The following RNF135 variants were observed in gnomAD, a reference collection of about 807,000 sequenced individuals.
The protein encoded by RNF135 is ring finger protein 135.
Under a neutral mutation model 41.9 loss-of-function variants are expected in RNF135, and 46 were observed. The observed-to-expected ratio is 1.10, with a 90% CI of 0.87 to 1.40. The LOEUF is 1.40. Ranked by LOEUF, RNF135 falls within the 40% of genes most tolerant of loss-of-function variation. The pLI, the probability that RNF135 is intolerant of heterozygous loss-of-function variation, is 0.00. For synonymous variants in RNF135, 238 were observed against 223.8 expected (o/e 1.06, Z -0.57); for missense variants, 539 against 549.8 (o/e 0.98, Z 0.20).
intron 3 of RNF135, among the ~76,000 whole-genome samples, chr17:30,990,385 G>A (rs562514665): frequency 9.9e-5 from 15 of 152,170 alleles, no homozygotes; most frequent in African/African-American, 3.4e-4. Flanking sequence ...TTAGCCGGGC[G>A]TGGTGGCACA....
chr17:30,995,791 T>TC (rs2142732836), intron 3 of RNF135, among the ~76,000 whole-genome samples: 1 of 152,140 alleles, frequency 6.6e-6, no homozygotes, highest in South Asian at 2.1e-4. Flanking sequence ...TCTTGCTCTG[T>TC]CACCCAGGCT....
At chr17:30,998,044 C>T (rs1281126399) in intron 4 of RNF135, among the ~76,000 whole-genome samples, 2 of 152,168 alleles carry the variant, frequency 1.3e-5, no homozygotes, top group African/African-American at 2.4e-5. Context: ...ATAAGACGGG[C>T]GTGAGCCACC....
chr17:30,969,670 T>C (rs565049412), upstream of RNF135, among the ~76,000 whole-genome samples: 1 of 152,182 alleles, frequency 6.6e-6, no homozygotes, highest in Non-Finnish European at 1.5e-5. Context: ...ACTGGAAACG[T>C]TGATGAGCAG....
chr17:30,983,766 GTT>G (rs375139965), intron 1 of RNF135, among the ~76,000 whole-genome samples: 1 of 142,460 alleles, frequency 7.0e-6, no homozygotes, highest in African/African-American at 2.6e-5. Context: ...TGTTATTTTG[GTT>G]TTTTTTTTTT....
chr17:30,983,009 A>G (rs1424292266), intron 1 of RNF135, among the ~76,000 whole-genome samples: 2 of 152,014 alleles, frequency 1.3e-5, no homozygotes, highest in African/African-American at 2.4e-5. Flanking sequence ...GTTGAATCAT[A>G]CAGTATCTGT....
At chr17:30,979,367 G>T (rs1254689371) in intron 1 of RNF135, among the ~76,000 whole-genome samples, 1 of 121,518 alleles carries the variant, frequency 8.2e-6, no homozygotes, top group Non-Finnish European at 1.7e-5. Context: ...GCGGGGGGCT[G>T]TCCCCCCCAC....
At chr17:30,964,036 T>G in the RNF135 span, among the ~76,000 whole-genome samples, 1 of 152,136 alleles carries the variant, frequency 6.6e-6, no homozygotes, top group Admixed American at 6.6e-5. Context: ...GTAAGAATAA[T>G]GGAAATTTAA....
chr17:30,963,954 C>T, the RNF135 span, among the ~76,000 whole-genome samples: 1 of 151,902 alleles, frequency 6.6e-6, no homozygotes, highest in Non-Finnish European at 1.5e-5. Flanking sequence ...TCTTCTCTAC[C>T]AAAAAAGTTT....
intron 2 of RNF135, among the ~76,000 whole-genome samples, chr17:30,985,824 T>A (rs1043122148): frequency 6.6e-6 from 1 of 152,178 alleles, no homozygotes; most frequent in African/African-American, 2.4e-5. Flanking sequence ...CATCTCTGTC[T>A]GCCTCTCAAA....
In RNF135 at chr17:30,999,122, G is replaced by T. The variant is rs147819993; in HGVS notation, c.1230G>T (p.Leu410Phe). 6.2e-7 allele frequency: 1 copy of T among 1,614,100 alleles called. No homozygotes were observed. The highest frequency in any genetic ancestry group is 2.2e-5 in the East Asian group (1 of 44,886). ...GTACCATCTCTGCCTCCTCTCCTTT[G>T]TACCCTGCCTTCTGGCTGTATGGCT... ...YECTISASSP[L>F]YPAFWLYGLH... The change falls in exon 5 of 5, where the codon TTG becomes TTT. Residue 410 changes from leucine to phenylalanine, a missense_variant. Around this residue, in one of 2 missense-constraint regions of RNF135, gnomAD observed 262 missense variants for 336.9 expected, o/e 0.78. Transcript: ENST00000328381.
intron 1 of RNF135, chr17:30,979,136 C>CG (rs1363062319): frequency 2.4e-5 from 4 of 167,766 alleles, no homozygotes; most frequent in African/African-American, 7.8e-5. Context: ...ACCTCCCAGA[C>CG]GGGGTCGTGG....
chr17:30,998,108 GC>G (rs1908492807), intron 4 of RNF135, among the ~76,000 whole-genome samples: 1 of 152,204 alleles, frequency 6.6e-6, no homozygotes, highest in Non-Finnish European at 1.5e-5. Context: ...ACAGGAGTTG[GC>G]CATGATGGCC....
the RNF135 span, among the ~76,000 whole-genome samples, chr17:30,960,632 T>C: frequency 6.6e-6 from 1 of 152,146 alleles, no homozygotes; most frequent in Non-Finnish European, 1.5e-5. Context: ...GTGGCAACCA[T>C]TGATCCGTTC....
chr17:30,962,710 T>G, the RNF135 span, among the ~76,000 whole-genome samples: 1 of 144,572 alleles, frequency 6.9e-6, no homozygotes, highest in Non-Finnish European at 1.5e-5. Context: ...GTGATCTGCC[T>G]GCCTGGGCCT....
chr17:30,988,154 G>A, intron 3 of RNF135, 48 bp downstream of exon 3: 2 of 1,575,888 alleles, frequency 1.3e-6, no homozygotes, highest in South Asian at 1.1e-5. Context: ...GGAAGTTGGG[G>A]GGAGTAGCAG....
intron 3 of RNF135, among the ~76,000 whole-genome samples, chr17:30,989,188 A>C (rs1257068140): frequency 1.3e-5 from 2 of 151,506 alleles, no homozygotes; most frequent in African/African-American, 4.8e-5. Flanking sequence ...TGGACTACAG[A>C]GAGAGATCCT....
chr17:30,990,256 C>A (rs1907893835), intron 3 of RNF135, among the ~76,000 whole-genome samples: 1 of 152,042 alleles, frequency 6.6e-6, no homozygotes, highest in Non-Finnish European at 1.5e-5. Flanking sequence ...GGCGCGGTGG[C>A]TCATGCCTGT....
intron 3 of RNF135, 93 bp from the exon 4 acceptor site, chr17:30,997,149 A>C (rs1908403294): frequency 1.6e-5 from 16 of 981,794 alleles, no homozygotes; most frequent in Non-Finnish European, 1.1e-5. Context: ...ATAAGAAGAC[A>C]AGCCAGCCAT....
intron 1 of RNF135, chr17:30,980,262 C>T (rs1906985519): frequency 7.5e-6 from 1 of 133,668 alleles, no homozygotes; most frequent in African/African-American, 2.8e-5. Context: ...CAGAGGGGTC[C>T]TCACTTCCCA....
Sources: gnomAD v4.1 joint callset for allele counts (sites outside exome capture counted in the v4.1 genomes callset) on GRCh38, gnomAD v4.1.1 for gene constraint, gnomAD v4.1.1 regional missense constraint, MANE v1.5 for transcripts, NCBI Gene and HGNC (gene_info 2026-07-23, HGNC 2026-07-21) for gene names.